Variants in BRWD1 observed in about 807,000 individuals in gnomAD.
The protein encoded by BRWD1 is bromodomain and WD repeat domain containing 1.
In BRWD1, 82 loss-of-function variants were observed where a neutral mutation model predicts 251.2. The observed-to-expected ratio is 0.33, with a 90% CI of 0.27 to 0.39. The LOEUF (loss-of-function observed/expected upper bound fraction) is 0.39, where lower values mean the gene tolerates loss of function less well. Ranked by LOEUF, BRWD1 falls within the 10% of genes least tolerant of loss-of-function variation. The pLI, the probability that BRWD1 is intolerant of heterozygous loss-of-function variation, is 1.00. For synonymous variants in BRWD1, 918 were observed against 902.8 expected (o/e 1.02, Z -0.30); for missense variants, 2,233 against 2,711.6 (o/e 0.82, Z 3.92).
rs555243363 is a variant in BRWD1, at chr21:39,252,193, G to C, written c.2256-1304C>G. 3.4e-3 allele frequency among the ~76,000 whole-genome samples: 502 copies of C among 148,816 alleles called. 1 individual carries two copies. The highest frequency in any genetic ancestry group is 5.4e-3 in the Non-Finnish European group (362 of 67,612). On this transcript the variant is annotated intron_variant, in intron 19 of 40. Coordinates refer to ENST00000342449, the MANE Select transcript of BRWD1 (RefSeq NM_033656.4). ...GAACCAGGGAGGTGGAGGCTGAAGTGAGCCAAGATCACACCATTACACTCC... is the reference window on the plus strand; with the variant it reads ...GAACCAGGGAGGTGGAGGCTGAAGTCAGCCAAGATCACACCATTACACTCC...
At position 39,250,791 on chromosome 21, in the gene BRWD1, G is replaced by T; in HGVS notation, c.2349+5C>A. ...AATTTGCTAAGAAAACAGAATTTAGGTTACCTTATGTGAGAGCTGAAGAGT... is the reference window on the plus strand; with the variant it reads ...AATTTGCTAAGAAAACAGAATTTAGTTTACCTTATGTGAGAGCTGAAGAGT... On this transcript the variant is annotated splice_donor_5th_base_variant and intron_variant, in intron 20 of 40. Transcript: ENST00000342449. 2 of 1,530,628 alleles carry T rather than the reference G, an allele frequency of 1.3e-6. No individual in the cohort carries two copies. The highest frequency in any genetic ancestry group is 2.5e-5 in the South Asian group (2 of 81,190). The allele number at this position is 1,530,628 out of a possible 1,614,324, so 94.8% of individuals were successfully genotyped here. A position where few individuals can be genotyped will look rare whatever the true frequency, so the allele number is the denominator to read the frequency against.
chr21:39,299,273 C>T (rs1259444391), intron 4 of BRWD1, among the ~76,000 whole-genome samples: 2 of 151,152 alleles, frequency 1.3e-5, no homozygotes, highest in Admixed American at 1.3e-4. Context: ...TATATATATG[C>T]TAACTGGCCT....
intron 21 of BRWD1, among the ~76,000 whole-genome samples, chr21:39,240,390 A>T (rs2033947123): frequency 6.6e-6 from 1 of 152,222 alleles, no homozygotes; most frequent in South Asian, 2.1e-4. Flanking sequence ...GCTACTCAAG[A>T]GTCAGAAGCT....
chr21:39,255,710 T>C lies in BRWD1; in HGVS notation c.2190A>G (p.Thr730=), dbSNP rs754288373. ...GTTTCCAAGCCTGCAGGTCACGTTC[T>C]GTAGCAATCTGACTGCGTGGAGCGT... ...HQNAPRSQIA[T]ERDLQAWKRR... is the part of the protein sequence containing the mutation. The change falls in exon 19 of 41, where the codon ACA becomes ACG. Residue 730 remains threonine (T), a synonymous_variant. Coordinates refer to ENST00000342449, the MANE Select transcript of BRWD1 (RefSeq NM_033656.4). The C allele has an allele frequency of 3.1e-6, 5 of 1,614,224 alleles. No homozygotes were observed. The Admixed American group carries it at 8.3e-5, about 27-fold the overall frequency.
At chr21:39,312,985 CGGCGGG>C in intron 3 of BRWD1, 81 bp downstream of exon 3, 1 of 805,280 alleles carries the variant, frequency 1.2e-6, no homozygotes, top group Non-Finnish European at 1.5e-6. Context: ...GGGCGGCGGG[CGGCGGG>C]CGGGGGGCGC....
Position 39,195,481 on chromosome 21 carries a change from C to A in BRWD1, c.*778G>T, listed in dbSNP as rs2031764730. The A allele has an allele frequency of 1.0e-6, 1 of 985,386 alleles. No individual in the cohort carries two copies. Among genetic ancestry groups the A allele is most frequent in the South Asian group, 4.7e-5 (1 of 21,282 alleles). The allele number at this position is 985,386 out of a possible 1,614,324, so 61.0% of individuals were successfully genotyped here. On this transcript the variant is annotated 3_prime_UTR_variant, in exon 41 of 41. Coordinates refer to ENST00000342449, the MANE Select transcript of BRWD1 (RefSeq NM_033656.4). ...AAACCAGGAGATCTTGGACAGAAGA[C>A]AGATTATATAGCATTTTGTTAGTGC...
chr21:39,225,324 C>T (rs1032623998), intron 27 of BRWD1, 127 bp from the exon 28 acceptor site: 3 of 623,716 alleles, frequency 4.8e-6, no homozygotes, highest in Non-Finnish European at 8.3e-6. Flanking sequence ...AGGCAAGCAG[C>T]GCTCCTAAAC....
At chr21:39,232,896 C>G (rs889864688) in intron 23 of BRWD1, among the ~76,000 whole-genome samples, 7 of 152,112 alleles carry the variant, frequency 4.6e-5, no homozygotes, top group African/African-American at 1.7e-4. Context: ...CCGGTGATTT[C>G]AAAATATGCC....
chr21:39,284,463 G>A (rs952230186), intron 8 of BRWD1, among the ~76,000 whole-genome samples: 12 of 152,236 alleles, frequency 7.9e-5, no homozygotes, highest in Non-Finnish European at 1.8e-4. Flanking sequence ...GGGCAACAGA[G>A]AGAGAACCTG....
intron 8 of BRWD1, among the ~76,000 whole-genome samples, chr21:39,283,235 A>G (rs1356244028): frequency 6.6e-6 from 1 of 152,196 alleles, no homozygotes; most frequent in East Asian, 1.9e-4. Flanking sequence ...TGGCTGGCAC[A>G]GTTCCATAAA....
At position 39,194,157 on chromosome 21, in the gene BRWD1, G is replaced by A. The variant is rs1341984074; in HGVS notation, c.*2102C>T. 1.4e-5 allele frequency: 14 copies of A among 984,906 alleles called. No homozygotes were observed. Among genetic ancestry groups the A allele is most frequent in the Non-Finnish European group, 1.7e-5 (14 of 829,628 alleles). 61.0% of individuals were successfully genotyped at this position (984,906 alleles called of 1,614,324 possible). ...GGCCAGTCAATGACCAATTAATGCA[G>A]TCCAAATAATCAGAATAGTTCTATT... On this transcript the variant is annotated 3_prime_UTR_variant, in exon 41 of 41. Coordinates refer to ENST00000342449, the MANE Select transcript of BRWD1 (RefSeq NM_033656.4).
Position 39,189,494 on chromosome 21 carries a change from C to T in BRWD1, c.*6765G>A, listed in dbSNP as rs1463404578. On this transcript the variant is annotated 3_prime_UTR_variant, in exon 41 of 41. Transcript: ENST00000342449. ...TTAAGATTCTGCAGGAAAAAAAAAACTAAAATCAGGTTTTTAAAAAATACT... is the reference window on the plus strand; with the variant it reads ...TTAAGATTCTGCAGGAAAAAAAAAATTAAAATCAGGTTTTTAAAAAATACT... The T allele has an allele frequency of 1.0e-6, 1 of 970,522 alleles. No individual in the cohort carries two copies. Among genetic ancestry groups the T allele is most frequent in the African/African-American group, 1.8e-5 (1 of 56,342 alleles). 60.1% of individuals were successfully genotyped at this position (970,522 alleles called of 1,614,324 possible). A position where few individuals can be genotyped will look rare whatever the true frequency, so the allele number is the denominator to read the frequency against.
intron 29 of BRWD1, among the ~76,000 whole-genome samples, chr21:39,223,626 T>C (rs1159314290): frequency 6.6e-6 from 1 of 152,108 alleles, no homozygotes; most frequent in Non-Finnish European, 1.5e-5. Context: ...GAGCTAAGTG[T>C]AGGTACCAGG....
In BRWD1 at chr21:39,187,169, C is replaced by T. The variant is rs757284105; in HGVS notation, c.*9090G>A. ...TTCAGTAATTTTTTCTTAGCCGCAG[C>T]AGAAGCATTTCGATGGGGCAGTTTT... On this transcript the variant is annotated 3_prime_UTR_variant, in exon 41 of 41. Coordinates refer to ENST00000342449, the MANE Select transcript of BRWD1 (RefSeq NM_033656.4). 1.2e-6 allele frequency: 2 copies of T among 1,613,772 alleles called. No individual in the cohort carries two copies. Among genetic ancestry groups the T allele is most frequent in the Non-Finnish European group, 8.5e-7 (1 of 1,179,910 alleles).
At chr21:39,207,764 T>C (rs775525595) in intron 36 of BRWD1, among the ~76,000 whole-genome samples, 6 of 152,204 alleles carry the variant, frequency 3.9e-5, no homozygotes, top group African/African-American at 7.2e-5. Flanking sequence ...TGGCCATCGA[T>C]AGATGAATGA....
At chr21:39,251,426 AGACT>A (rs1294858685) in intron 19 of BRWD1, among the ~76,000 whole-genome samples, 2 of 152,170 alleles carry the variant, frequency 1.3e-5, no homozygotes, top group Admixed American at 6.5e-5. Context: ...TCTCTGGAAA[AGACT>A]GACTGTCCCT....
In BRWD1 at chr21:39,296,292, C is replaced by A. The variant is rs2035961035; in HGVS notation, c.421G>T (p.Val141Leu). The A allele has an allele frequency of 1.2e-6, 2 of 1,600,958 alleles. No homozygotes were observed. Among genetic ancestry groups the A allele is most frequent in the Admixed American group, 1.8e-5 (1 of 56,712 alleles). Residue 141 changes from valine to leucine, a missense_variant, in exon 6 of 41, where the codon GTG becomes TTG. This residue lies in a region of BRWD1 where 185 missense variants were observed against 260.6 expected (regional missense o/e 0.71). Transcript: ENST00000342449. ...LHRGRPPEMP[V>L]NYGSPPNLVE... ...AGATTTGGTGGGGAACCATAATTCA[C>A]TGGCATTTCAGGAGGTCTTCCTCTA...
chr21:39,234,253 G>A (rs1230369242), intron 23 of BRWD1, among the ~76,000 whole-genome samples: 1 of 152,146 alleles, frequency 6.6e-6, no homozygotes, highest in Non-Finnish European at 1.5e-5. Flanking sequence ...ACAGTCTACT[G>A]GGTAATACAG....
chr21:39,288,302 A>G (rs540582663), intron 8 of BRWD1, among the ~76,000 whole-genome samples: 5 of 152,278 alleles, frequency 3.3e-5, no homozygotes, highest in African/African-American at 1.2e-4. Flanking sequence ...ACATTATACC[A>G]TTTTCTCAAT....
Sources: gnomAD v4.1 joint callset for allele counts (sites outside exome capture counted in the v4.1 genomes callset) on GRCh38, gnomAD v4.1.1 for gene constraint, gnomAD v4.1.1 regional missense constraint, MANE v1.5 for transcripts, NCBI Gene and HGNC (gene_info 2026-07-23, HGNC 2026-07-21) for gene names.